The following HDAC9 variants were observed in gnomAD, a reference collection of about 807,000 sequenced individuals.
HDAC9 encodes MEF-2 interacting transcription repressor (MITR) protein.
In HDAC9, 41 loss-of-function variants were observed where a neutral mutation model predicts 139.4. The observed-to-expected ratio is 0.29, with a 90% CI of 0.23 to 0.38. The LOEUF (loss-of-function observed/expected upper bound fraction) is 0.38. Ranked by LOEUF, HDAC9 falls within the 10% of genes least tolerant of loss-of-function variation. The pLI, the probability that HDAC9 is intolerant of heterozygous loss-of-function variation, is 1.00. For synonymous variants in HDAC9, 517 were observed against 476.2 expected, an observed-to-expected ratio of 1.09 and a Z score of -1.12; for missense variants, 1,147 against 1,297.0, an observed-to-expected ratio of 0.88 and a Z score of 1.78.
At position 18,998,108 on chromosome 7, in the gene HDAC9, A is replaced by T. The variant is rs184295706; in HGVS notation, c.*2046A>T. ...AAAATAGTAGAGCCAAAGGCTTAAC[A>T]AAAGACTCTCCCCCATTTTAAAAAG... On this transcript the variant is annotated 3_prime_UTR_variant, in exon 26 of 26. Transcript: ENST00000686413. 2 of 152,326 alleles carry T rather than the reference A, an allele frequency of 1.3e-5. No homozygotes were observed. The highest frequency in any genetic ancestry group is 3.9e-4 in the East Asian group (2 of 5,194). The allele number at this position is 152,326 out of a possible 1,614,324, so 9.4% of individuals were successfully genotyped here.
intron 1 of HDAC9, among the ~76,000 whole-genome samples, chr7:18,300,062 A>G (rs1798432534): frequency 6.6e-6 from 1 of 152,200 alleles, no homozygotes; most frequent in African/African-American, 2.4e-5. Context: ...CTCCCCTTAC[A>G]GCAGCCTCTC....
At chr7:18,640,782 A>C (rs969876685) in intron 8 of HDAC9, among the ~76,000 whole-genome samples, 1 of 151,942 alleles carries the variant, frequency 6.6e-6, no homozygotes, top group Non-Finnish European at 1.5e-5. Context: ...CAGAAGTCCA[A>C]TGGTGTGCTT....
chr7:18,177,880 T>C (rs953341718), intron 2 of HDAC9, among the ~76,000 whole-genome samples: 8 of 152,158 alleles, frequency 5.3e-5, no homozygotes, highest in African/African-American at 1.7e-4. Flanking sequence ...ATAGTGGTGC[T>C]AGGGGCATGG....
chr7:18,338,506 T>C (rs969654423), intron 1 of HDAC9, among the ~76,000 whole-genome samples: 1 of 151,636 alleles, frequency 6.6e-6, no homozygotes, highest in Admixed American at 6.6e-5. Flanking sequence ...TTACACCTAT[T>C]TTCATGTCAT....
intron 12 of HDAC9, among the ~76,000 whole-genome samples, chr7:18,724,413 A>G (rs917036873): frequency 2.0e-5 from 3 of 152,198 alleles, no homozygotes; most frequent in African/African-American, 7.2e-5. Flanking sequence ...AAGGTACAAT[A>G]TAAATACAGT....
Position 18,476,680 on chromosome 7 carries a change from A to G in HDAC9, c.-41-19582A>G, listed in dbSNP as rs113608105. Among the ~76,000 whole-genome samples, 1,312 of 152,326 alleles carry G rather than the reference A, an allele frequency of 8.6e-3. 18 individuals carry two copies. Among genetic ancestry groups the G allele is most frequent in the African/African-American group, 0.03 (1,234 of 41,572 alleles). ...TCATACAGTTAATTTTAAAAGTCCAATTAAATATCTTATTTCTTCCCTTAA... is the reference window on the plus strand; with the variant it reads ...TCATACAGTTAATTTTAAAAGTCCAGTTAAATATCTTATTTCTTCCCTTAA... On this transcript the variant is annotated intron_variant, in intron 1 of 3. Coordinates refer to the HDAC9 transcript ENST00000413509.
At chr7:18,296,753 G>A (rs13227027) in intron 1 of HDAC9, among the ~76,000 whole-genome samples, 31,106 of 152,110 alleles carry the variant, frequency 0.2, 3,273 homozygotes, top group Non-Finnish European at 0.22. Flanking sequence ...GGCACCAAGC[G>A]CGGGGGCAGT....
chr7:18,572,395 C>G (rs1455274764), intron 2 of HDAC9, among the ~76,000 whole-genome samples: 1 of 150,078 alleles, frequency 6.7e-6, no homozygotes, highest in Non-Finnish European at 1.5e-5. Flanking sequence ...CAAAACTTCC[C>G]TCTCATTATG....
intron 21 of HDAC9, among the ~76,000 whole-genome samples, chr7:18,867,529 C>T (rs1318192957): frequency 6.6e-6 from 1 of 152,136 alleles, no homozygotes; most frequent in Non-Finnish European, 1.5e-5. Context: ...ATAATTTTCC[C>T]TCAGAATGTA....
chr7:18,608,168 T>A (rs1023381746), intron 6 of HDAC9, among the ~76,000 whole-genome samples: 6 of 152,140 alleles, frequency 3.9e-5, no homozygotes, highest in African/African-American at 1.4e-4. Context: ...ATGAAGTAAA[T>A]TAAGAGATAG....
intron 23 of HDAC9, among the ~76,000 whole-genome samples, chr7:18,942,744 C>T (rs934340316): frequency 2.0e-5 from 3 of 151,920 alleles, no homozygotes; most frequent in Non-Finnish European, 4.4e-5. Context: ...AATAACATCA[C>T]GTTAGTAGCT....
intron 1 of HDAC9, among the ~76,000 whole-genome samples, chr7:18,308,727 A>G (rs887238208): frequency 3.3e-5 from 5 of 152,326 alleles, no homozygotes; most frequent in African/African-American, 1.2e-4. Flanking sequence ...GTACGTGTGT[A>G]TATATATCTG....
At chr7:18,137,230 T>C (rs1479488523) in intron 1 of HDAC9, among the ~76,000 whole-genome samples, 1 of 106,476 alleles carries the variant, frequency 9.4e-6, no homozygotes, top group African/African-American at 4.5e-5. Context: ...TTTCTAGATA[T>C]ACAATCATGT....
At chr7:18,672,447 T>G (rs1048531248) in intron 12 of HDAC9, among the ~76,000 whole-genome samples, 3 of 152,068 alleles carry the variant, frequency 2.0e-5, no homozygotes, top group African/African-American at 7.2e-5. Flanking sequence ...ATATATTTTG[T>G]GTAGTAGACC....
At position 18,745,871 on chromosome 7, in the gene HDAC9, T is replaced by TTTC. The variant is rs776302030; in HGVS notation, c.1910-3122_1910-3120dup. ...CGACTCTCTACTCTTGAAGAATATA[T>TTTC]TTCTTCTTCTTCTTTTTTTTTTTTT... On this transcript the variant is annotated intron_variant, in intron 13 of 25. Transcript: ENST00000686413. 8.2e-3 allele frequency among the ~76,000 whole-genome samples: 1,145 copies of TTTC among 139,302 alleles called. 27 individuals carry two copies. The highest frequency in any genetic ancestry group is 0.018 in the East Asian group (72 of 4,072). The allele number at this position is 139,302 out of a possible 152,430, so 91.4% of individuals were successfully genotyped here. A position where few individuals can be genotyped will look rare whatever the true frequency, so the allele number is the denominator to read the frequency against.
chr7:18,135,009 C>A (rs561631582), intron 1 of HDAC9, among the ~76,000 whole-genome samples: 1 of 152,130 alleles, frequency 6.6e-6, no homozygotes, highest in African/African-American at 2.4e-5. Flanking sequence ...CTAAACAGAT[C>A]TAATTTAAAT....
At chr7:18,846,018 C>T (rs371410527) in intron 21 of HDAC9, among the ~76,000 whole-genome samples, 20 of 152,124 alleles carry the variant, frequency 1.3e-4, no homozygotes, top group Non-Finnish European at 2.6e-4. Context: ...GTGTACCAAG[C>T]CTACGAAGGC....
In HDAC9 at chr7:18,727,722, C is replaced by A. The variant is rs915091899; in HGVS notation, c.1874C>A (p.Ala625Glu). 6.4e-7 allele frequency: 1 copy of A among 1,565,800 alleles called. No individual in the cohort carries two copies. Among genetic ancestry groups the A allele is most frequent in the Non-Finnish European group, 8.6e-7 (1 of 1,162,558 alleles). Residue 625 changes from alanine to glutamate, a missense_variant, in exon 13 of 26, where the codon GCA (alanine) becomes GAA (glutamate). By Grantham distance (107) the Ala-to-Glu change is moderately radical. This residue lies in a region of HDAC9 where 256 missense variants were observed against 219.2 expected (regional missense o/e 1.17). Coordinates refer to ENST00000686413, the MANE Select transcript of HDAC9 (RefSeq NM_178425.4). The stretch of plus-strand genomic sequence containing the variant: ...GCTGCCTCTGTTTTACCTCACCCAG[C>A]AATGGACCGCCCCCTCCAGCCTGGC... ...SPAASVLPHP[A>E]MDRPLQPGSA...
At chr7:18,554,493 G>T (rs1818181831) in intron 2 of HDAC9, among the ~76,000 whole-genome samples, 1 of 151,860 alleles carries the variant, frequency 6.6e-6, no homozygotes, top group Non-Finnish European at 1.5e-5. Flanking sequence ...CCGCCACCAC[G>T]CCCGGCTAAT....
Sources: gnomAD v4.1 joint callset for allele counts (sites outside exome capture counted in the v4.1 genomes callset) on GRCh38, gnomAD v4.1.1 for gene constraint, gnomAD v4.1.1 regional missense constraint, MANE v1.5 for transcripts, NCBI Gene and HGNC (gene_info 2026-07-23, HGNC 2026-07-21) for gene names.